FAM107B: variants seen among roughly 807,000 people sequenced by gnomAD.
The protein encoded by FAM107B is family with sequence similarity 107 member B.
Under a neutral mutation model 31.5 loss-of-function variants are expected in FAM107B, and 21 were observed. The observed-to-expected ratio is 0.67, with a 90% CI of 0.47 to 0.96. The LOEUF (loss-of-function observed/expected upper bound fraction) is 0.96. Ranked by LOEUF, FAM107B falls within the 40% of genes least tolerant of loss-of-function variation. The pLI, the probability that FAM107B is intolerant of heterozygous loss-of-function variation, is 0.00. For missense variants in FAM107B, 452 were observed against 377.1 expected, an observed-to-expected ratio of 1.20 and a Z score of -1.64; for synonymous variants, 157 against 141.5, an observed-to-expected ratio of 1.11 and a Z score of -0.78.
At position 14,713,246 on chromosome 10, in the gene FAM107B, A is replaced by T. The variant is rs1217003111; in HGVS notation, c.412-45555T>A. Among the ~76,000 whole-genome samples the T allele has an allele frequency of 2.0e-5, 3 of 152,226 alleles. No homozygotes were observed. In the East Asian group the frequency reaches 5.8e-4, roughly 29 times the overall value. On this transcript the variant is annotated intron_variant, in intron 1 of 4. Coordinates refer to ENST00000181796, the MANE Select transcript of FAM107B (RefSeq NM_031453.4). ...TCGTCACCCTTGACCCAGCAATTCC[A>T]TAAATGCCAGTAAAGCTTTATCGAG...
intron 1 of FAM107B, among the ~76,000 whole-genome samples, chr10:14,724,535 ATGGTCCACCCACTAATG>A (rs1855984976): frequency 6.6e-6 from 1 of 152,206 alleles, no homozygotes; most frequent in African/African-American, 2.4e-5. Flanking sequence ...ACATGGTCAA[ATGGTCCACCCACTAATG>A]TGGTACAGAA....
At chr10:14,726,098 A>ATTCT (rs1246068623) in intron 1 of FAM107B, among the ~76,000 whole-genome samples, 4 of 151,960 alleles carry the variant, frequency 2.6e-5, no homozygotes, top group African/African-American at 9.7e-5. Context: ...GGTTCAAGCG[A>ATTCT]TTCTCCTGCT....
At chr10:14,710,727 T>A (rs892052456) in intron 1 of FAM107B, among the ~76,000 whole-genome samples, 3 of 151,934 alleles carry the variant, frequency 2.0e-5, no homozygotes, top group Non-Finnish European at 2.9e-5. Context: ...AAGTAAAAAA[T>A]AAATTTTTTT....
At chr10:14,543,044 G>C (rs999527786) in intron 2 of FAM107B, among the ~76,000 whole-genome samples, 2 of 152,238 alleles carry the variant, frequency 1.3e-5, no homozygotes, top group South Asian at 4.1e-4. Context: ...CCTTAAAATT[G>C]ATAAATTACA....
intron 1 of FAM107B, among the ~76,000 whole-genome samples, chr10:14,773,213 A>G (rs1419177208): frequency 3.3e-5 from 5 of 152,250 alleles, no homozygotes; most frequent in Non-Finnish European, 7.3e-5. Flanking sequence ...GTCATTTCAT[A>G]TAAACCTGCA....
chr10:14,583,094 A>G (rs1851702914), intron 2 of FAM107B, among the ~76,000 whole-genome samples: 1 of 151,884 alleles, frequency 6.6e-6, no homozygotes, highest in Admixed American at 6.5e-5. Flanking sequence ...CTCAAAAAAA[A>G]AAAAAAAAAA....
In FAM107B at chr10:14,732,478, T is replaced by C. The variant is rs975650516; in HGVS notation, c.411+41775A>G. On this transcript the variant is annotated intron_variant, in intron 1 of 4. Coordinates refer to ENST00000181796, the MANE Select transcript of FAM107B (RefSeq NM_031453.4). ...CCCAGTAAGTGGCCTTATCTTCAAA[T>C]AGAAATAACTATATATTTCTGGACT... Among the ~76,000 whole-genome samples the C allele has an allele frequency of 2.6e-5, 4 of 152,292 alleles. No homozygotes were observed. In the East Asian group the frequency reaches 7.7e-4, roughly 29 times the overall value.
At chr10:14,692,370 T>C (rs1855158754) in intron 1 of FAM107B, among the ~76,000 whole-genome samples, 1 of 152,284 alleles carries the variant, frequency 6.6e-6, no homozygotes, top group African/African-American at 2.4e-5. Context: ...ATTTGGAATT[T>C]CAGGCTGTTC....
intron 1 of FAM107B, among the ~76,000 whole-genome samples, chr10:14,731,526 C>T (rs980175113): frequency 7.9e-5 from 12 of 152,162 alleles, no homozygotes; most frequent in Admixed American, 6.5e-4. Context: ...TGTGCCACTG[C>T]ACTCCAGCCT....
chr10:14,628,397 C>A (rs1000444546), intron 2 of FAM107B, among the ~76,000 whole-genome samples: 1 of 152,034 alleles, frequency 6.6e-6, no homozygotes, highest in Non-Finnish European at 1.5e-5. Flanking sequence ...GGATTACAGG[C>A]GTGAGCCACT....
chr10:14,701,217 A>G (rs995386257), intron 1 of FAM107B, among the ~76,000 whole-genome samples: 10 of 152,044 alleles, frequency 6.6e-5, no homozygotes, highest in Admixed American at 2.0e-4. Flanking sequence ...GAAACTCTTC[A>G]TTTTATTATT....
intron 1 of FAM107B, among the ~76,000 whole-genome samples, chr10:14,715,307 G>A (rs979414362): frequency 5.9e-5 from 9 of 152,062 alleles, no homozygotes; most frequent in Non-Finnish European, 7.4e-5. Flanking sequence ...TTAAAAATAC[G>A]ATCACTGAAA....
intron 1 of FAM107B, among the ~76,000 whole-genome samples, chr10:14,760,676 A>T (rs1165285515): frequency 6.6e-6 from 1 of 150,560 alleles, no homozygotes; most frequent in African/African-American, 2.5e-5. Flanking sequence ...TATCTAAAAG[A>T]TGTTTTTAGT....
At chr10:14,726,016 G>A (rs375226487) in intron 1 of FAM107B, among the ~76,000 whole-genome samples, 19 of 149,894 alleles carry the variant, frequency 1.3e-4, no homozygotes, top group Admixed American at 3.3e-4. Flanking sequence ...TTTTTGAGAC[G>A]GAGTTTTGTT....
rs543403511 is a variant in FAM107B at position 14,618,604 on chromosome 10, A to AGGCAGGTGGATCACTTGAGGTC, written c.469+49008_469+49029dup. On this transcript the variant is annotated intron_variant, in intron 2 of 4. Coordinates refer to ENST00000181796, the MANE Select transcript of FAM107B (RefSeq NM_031453.4). ...GTAATCCCAGCACTTTGGGAGGCCAAGGCAGGTGGATCACTTGAGGTCAGC... is the reference window on the plus strand; with the variant it reads ...GTAATCCCAGCACTTTGGGAGGCCAAGGCAGGTGGATCACTTGAGGTCGGCAGGTGGATCACTTGAGGTCAGC... Among the ~76,000 whole-genome samples, 417 of 152,338 alleles carry AGGCAGGTGGATCACTTGAGGTC rather than the reference A, an allele frequency of 2.7e-3. 2 individuals carry two copies. Among genetic ancestry groups the AGGCAGGTGGATCACTTGAGGTC allele is most frequent in the Non-Finnish European group, 4.1e-3 (276 of 68,024 alleles).
intron 2 of FAM107B, chr10:14,571,768 A>G (rs1851246850): frequency 3.0e-6 from 3 of 985,064 alleles, no homozygotes; most frequent in Admixed American, 6.1e-5. Context: ...CTTACCTCAG[A>G]TATCTATTTT....
intron 2 of FAM107B, among the ~76,000 whole-genome samples, chr10:14,657,597 C>G (rs930629003): frequency 1.3e-5 from 2 of 152,148 alleles, no homozygotes; most frequent in African/African-American, 2.4e-5. Context: ...AATCTAGAAC[C>G]TAGATGGAAA....
rs189808721 is a variant in FAM107B at position 14,681,590 on chromosome 10, C to T, written c.412-13899G>A. 3.8e-3 allele frequency among the ~76,000 whole-genome samples: 586 copies of T among 152,228 alleles called. 5 individuals are homozygous for T. Among genetic ancestry groups the T allele is most frequent in the African/African-American group, 0.012 (519 of 41,528 alleles). The stretch of plus-strand genomic sequence containing the variant: ...CTCGTCACATGCTCATGACCGTCAC[C>T]GCACCCAGAGGAATGAGGGGGACTG... On this transcript the variant is annotated intron_variant, in intron 1 of 4. Transcript: ENST00000181796.
At chr10:14,750,864 T>A (rs891995069) in intron 1 of FAM107B, among the ~76,000 whole-genome samples, 5 of 152,096 alleles carry the variant, frequency 3.3e-5, no homozygotes, top group Non-Finnish European at 7.4e-5. Flanking sequence ...TGGAGAGGGA[T>A]GGGACAGAGT....
Sources: gnomAD v4.1 joint callset for allele counts (sites outside exome capture counted in the v4.1 genomes callset) on GRCh38, gnomAD v4.1.1 for gene constraint, MANE v1.5 for transcripts, NCBI Gene and HGNC (gene_info 2026-07-23, HGNC 2026-07-21) for gene names.